SMG6: variants seen among roughly 807,000 people sequenced by gnomAD.
SMG6 encodes SMG6 nonsense mediated mRNA decay factor, also known as telomerase-binding protein EST1A.
SMG6 carries 66 observed loss-of-function variants against 142.2 expected under a neutral mutation model. The observed-to-expected ratio is 0.46, with a 90% CI of 0.38 to 0.57. SMG6 has a LOEUF of 0.57. Ranked by LOEUF, SMG6 falls within the 20% of genes least tolerant of loss-of-function variation. SMG6 has a pLI of 0.00. For missense variants in SMG6, 1,793 were observed against 1,832.0 expected, an observed-to-expected ratio of 0.98 and a Z score of 0.39; for synonymous variants, 779 against 702.4, an observed-to-expected ratio of 1.11 and a Z score of -1.72.
rs932569162 is a variant in SMG6, at chr17:2,303,598, C to T, written c.88+35G>A. 4.3e-6 allele frequency: 6 copies of T among 1,396,182 alleles called. No homozygotes were observed. In the African/African-American group the frequency reaches 7.6e-5, roughly 18 times the overall value. The allele number at this position is 1,396,182 out of a possible 1,614,324, so 86.5% of individuals were successfully genotyped here. ...GAGGAGGAGAGGGAGGCGGGGCGGG[C>T]AGGCCCGGCCCAGGAGCTGGGCGGC... On this transcript the variant is annotated intron_variant, in intron 1 of 18. Coordinates refer to ENST00000263073, the MANE Select transcript of SMG6 (RefSeq NM_017575.5).
At chr17:2,298,228 A>G (rs975338062) in intron 2 of SMG6, among the ~76,000 whole-genome samples, 173 bp from the exon 3 acceptor site, 2 of 152,208 alleles carry the variant, frequency 1.3e-5, no homozygotes, top group Non-Finnish European at 2.9e-5. Flanking sequence ...TGTCATTCTA[A>G]AGATAGTTGT....
chr17:2,279,097 T>C (rs534706026), intron 8 of SMG6, among the ~76,000 whole-genome samples: 1 of 152,292 alleles, frequency 6.6e-6, no homozygotes, highest in East Asian at 1.9e-4. Context: ...AATGTGGTTA[T>C]TACAAAGGCG....
intron 17 of SMG6, 149 bp from the exon 18 acceptor site, chr17:2,065,303 A>G (rs768614799): frequency 1.2e-5 from 12 of 986,032 alleles, no homozygotes; most frequent in Non-Finnish European, 1.9e-5. Flanking sequence ...GCCTGATCTG[A>G]CTGTGCTACG....
At chr17:2,203,529 T>C (rs763463083) in intron 10 of SMG6, among the ~76,000 whole-genome samples, 1 of 152,214 alleles carries the variant, frequency 6.6e-6, no homozygotes, top group Non-Finnish European at 1.5e-5. Flanking sequence ...TAGAAAAGCA[T>C]GGCAGGTCTT....
Position 2,130,266 on chromosome 17 carries a change from C to CAAAAAAAAAAAAAAAAAAAAAA in SMG6, c.3357+42391_3357+42392insTTTTTTTTTTTTTTTTTTTTTT, listed in dbSNP as rs903007543. On this transcript the variant is annotated intron_variant, in intron 13 of 18. Transcript: ENST00000263073. ...TGGGCGACAGAGCGAGACTCCGTCT[C>CAAAAAAAAAAAAAAAAAAAAAA]AAAAAAAAAAAAAAAAAAGAAACAG... Among the ~76,000 whole-genome samples, 40 of 39,472 alleles carry CAAAAAAAAAAAAAAAAAAAAAA rather than the reference C, an allele frequency of 1.0e-3. 3 individuals are homozygous for CAAAAAAAAAAAAAAAAAAAAAA. Among genetic ancestry groups the CAAAAAAAAAAAAAAAAAAAAAA allele is most frequent in the African/African-American group, 1.6e-3 (10 of 6,384 alleles). The allele number at this position is 39,472 out of a possible 152,430, so 25.9% of individuals were successfully genotyped here. A position where few individuals can be genotyped will look rare whatever the true frequency, so the allele number is the denominator to read the frequency against.
chr17:2,198,803 G>A (rs1254935344), intron 10 of SMG6, among the ~76,000 whole-genome samples: 1 of 152,026 alleles, frequency 6.6e-6, no homozygotes. Flanking sequence ...TCAATTAACA[G>A]TAGCTGATTA....
At chr17:2,113,967 T>C (rs2069419555) in intron 13 of SMG6, among the ~76,000 whole-genome samples, 1 of 152,206 alleles carries the variant, frequency 6.6e-6, no homozygotes, top group African/African-American at 2.4e-5. Context: ...GAAACTCATT[T>C]CTTAAAAACT....
chr17:2,128,213 C>T (rs923864), intron 13 of SMG6, among the ~76,000 whole-genome samples: 53,010 of 152,158 alleles, frequency 0.35, 9,995 homozygotes, highest in African/African-American at 0.49. Flanking sequence ...ACCCAAGGCA[C>T]GAGTGCTCCC....
Position 2,065,881 on chromosome 17 carries a change from TC to T in SMG6, c.3836-203del, listed in dbSNP as rs1253575624. On this transcript the variant is annotated intron_variant, in intron 16 of 18. Coordinates refer to ENST00000263073, the MANE Select transcript of SMG6 (RefSeq NM_017575.5). ...AGATTTCACAGGGCTCTACTCCCTT[TC>T]TGTCTCTTCTCCTGGGCCCTGCCCT... 1.5e-5 allele frequency: 9 copies of T among 591,918 alleles called. No homozygotes were observed. The East Asian group carries it at 2.5e-4, about 17-fold the overall frequency. 36.7% of individuals were successfully genotyped at this position (591,918 alleles called of 1,614,324 possible). A position where few individuals can be genotyped will look rare whatever the true frequency, so the allele number is the denominator to read the frequency against.
intron 12 of SMG6, among the ~76,000 whole-genome samples, chr17:2,181,247 G>A (rs780957480): frequency 6.6e-6 from 1 of 152,214 alleles, no homozygotes; most frequent in African/African-American, 2.4e-5. Context: ...GAAGGAAGGT[G>A]CAATTCTGAT....
chr17:2,292,031 TA>T (rs1466963265), intron 6 of SMG6, among the ~76,000 whole-genome samples: 7 of 152,100 alleles, frequency 4.6e-5, no homozygotes, highest in Admixed American at 3.3e-4. Flanking sequence ...CAGACATATT[TA>T]GAGCACAGTG....
chr17:2,164,899 T>C lies in SMG6; in HGVS notation c.3357+7759A>G, dbSNP rs1490898752. On this transcript the variant is annotated intron_variant, in intron 13 of 18. Transcript: ENST00000263073. ...TTACAGTGAGCCAAGACTAAACCAC[T>C]GTACTCCAGCGTGGGCGACAGAGCG... 2.6e-5 allele frequency among the ~76,000 whole-genome samples: 4 copies of C among 151,338 alleles called. 1 individual carries two copies. In the South Asian group the frequency reaches 8.3e-4, roughly 31 times the overall value.
At chr17:2,228,159 G>A (rs190392304) in intron 10 of SMG6, among the ~76,000 whole-genome samples, 2 of 152,208 alleles carry the variant, frequency 1.3e-5, no homozygotes, top group East Asian at 3.9e-4. Context: ...CACCTCCTGG[G>A]TTCAAGCAAT....
intron 6 of SMG6, among the ~76,000 whole-genome samples, chr17:2,285,027 C>T (rs1461253377): frequency 2.0e-5 from 3 of 152,090 alleles, no homozygotes; most frequent in East Asian, 3.8e-4. Context: ...ATTGTTATGT[C>T]TTATTTTAAT....
intron 8 of SMG6, among the ~76,000 whole-genome samples, chr17:2,258,820 G>A (rs1460261331): frequency 6.7e-6 from 1 of 150,040 alleles, no homozygotes; most frequent in East Asian, 2.0e-4. Flanking sequence ...AAAGGAACTG[G>A]CGCGATGGCT....
intron 13 of SMG6, among the ~76,000 whole-genome samples, chr17:2,146,632 C>T (rs906636430): frequency 2.0e-5 from 3 of 152,184 alleles, no homozygotes; most frequent in African/African-American, 7.2e-5. Context: ...CCTCCACCTC[C>T]CATGTTCAAG....
At position 2,253,119 on chromosome 17, in the gene SMG6, TTTTATTTATTTA is replaced by T. The variant is rs10528623; in HGVS notation, c.2662-8412_2662-8401del. Among the ~76,000 whole-genome samples the T allele has an allele frequency of 1.1e-4, 15 of 130,684 alleles. No homozygotes were observed. In the South Asian group the frequency reaches 1.7e-3, roughly 15 times the overall value. 85.7% of individuals were successfully genotyped at this position (130,684 alleles called of 152,430 possible). A position where few individuals can be genotyped will look rare whatever the true frequency, so the allele number is the denominator to read the frequency against. ...GGCCCACAAAGCCTAAAATATTTTATTTTATTTATTTATTTATTTATTTATTTATTTATTTAT... is the reference window on the plus strand; with the variant it reads ...GGCCCACAAAGCCTAAAATATTTTATTTTATTTATTTATTTATTTATTTAT... On this transcript the variant is annotated intron_variant, in intron 8 of 18. Coordinates refer to ENST00000263073, the MANE Select transcript of SMG6 (RefSeq NM_017575.5).
chr17:2,242,378 A>AAT (rs1300365098), intron 9 of SMG6, among the ~76,000 whole-genome samples: 3 of 145,752 alleles, frequency 2.1e-5, no homozygotes, highest in Non-Finnish European at 4.5e-5. Context: ...AAAAAAAAAA[A>AAT]AATTAGTCGG....
In SMG6 at chr17:2,085,898, T is replaced by C. The variant is rs763113493; in HGVS notation, c.3361A>G (p.Ile1121Val). 9 of 1,613,848 alleles carry C rather than the reference T, an allele frequency of 5.6e-6. No homozygotes were observed. The highest frequency in any genetic ancestry group is 7.6e-6 in the Non-Finnish European group (9 of 1,179,894). Reference protein sequence around the residue: ...CYVEKTSDKVIAADCKRVTVL... With the variant: ...CYVEKTSDKVVAADCKRVTVL... Reference sequence around the variant, plus strand: ...GTGACCCTTTTGCAGTCAGCTGCAATAACCTACAGGGTGAGAGGGAGAGAA... The same window carrying C: ...GTGACCCTTTTGCAGTCAGCTGCAACAACCTACAGGGTGAGAGGGAGAGAA... Residue 1121 changes from isoleucine (I) to valine (V), a missense_variant, in exon 14 of 19, where the codon ATT (isoleucine) becomes GTT (valine). This residue lies in a region of SMG6 where 1,597 missense variants were observed against 1,584.6 expected (regional missense o/e 1.01). Coordinates refer to ENST00000263073, the MANE Select transcript of SMG6 (RefSeq NM_017575.5). This position sits in a 1 kb window ranked among gnomAD's most constrained non-coding sequence, Gnocchi z 4.1.
Sources: allele counts gnomAD v4.1 joint callset (sites outside exome capture counted in the v4.1 genomes callset), GRCh38; gene constraint gnomAD v4.1.1; regional missense constraint gnomAD v4.1.1; non-coding constraint Gnocchi (gnomAD v3.1); transcripts MANE v1.5; gene names NCBI Gene and HGNC (gene_info 2026-07-23, HGNC 2026-07-21).